The following FOXP1 variants were observed in gnomAD, a reference collection of about 807,000 sequenced individuals.
FOXP1 encodes forkhead box P1.
In FOXP1, 15 loss-of-function variants were observed where a neutral mutation model predicts 98.2. That is an observed-to-expected ratio of 0.15 (90% confidence interval 0.10 to 0.24). The LOEUF is 0.24. Among genes scored for constraint, FOXP1 ranks in the 10% least tolerant of loss-of-function variants. The pLI, the probability that FOXP1 is intolerant of heterozygous loss-of-function variation, is 1.00. For synonymous variants in FOXP1, 371 were observed against 314.5 expected, an observed-to-expected ratio of 1.18 and a Z score of -1.90; for missense variants, 633 against 848.5, an observed-to-expected ratio of 0.75 and a Z score of 3.15.
intron 5 of FOXP1, among the ~76,000 whole-genome samples, chr3:71,287,505 C>T (rs976702722): frequency 2.6e-5 from 4 of 151,534 alleles, no homozygotes; most frequent in South Asian, 2.1e-4. Flanking sequence ...TAGGGCCAAG[C>T]GCTGTGGCTC....
chr3:71,142,639 G>A (rs1311835305), intron 6 of FOXP1, among the ~76,000 whole-genome samples: 1 of 152,212 alleles, frequency 6.6e-6, no homozygotes, highest in African/African-American at 2.4e-5. Flanking sequence ...CCTACAGCCA[G>A]AAGGAAATGG....
At chr3:71,127,694 C>T (rs892520677) in intron 6 of FOXP1, among the ~76,000 whole-genome samples, 2 of 152,220 alleles carry the variant, frequency 1.3e-5, no homozygotes, top group South Asian at 2.1e-4. Context: ...AATACAGACA[C>T]ACCCGGAAAT....
At chr3:71,267,124 AGTGTGTGT>A (rs1553808466) in intron 5 of FOXP1, among the ~76,000 whole-genome samples, 10 of 148,298 alleles carry the variant, frequency 6.7e-5, no homozygotes, top group East Asian at 2.0e-4. Context: ...TATGGGAGAG[AGTGTGTGT>A]GTGTGTGTGT....
chr3:71,244,252 A>G (rs2067526086), intron 5 of FOXP1, among the ~76,000 whole-genome samples: 1 of 152,206 alleles, frequency 6.6e-6, no homozygotes, highest in South Asian at 2.1e-4. Flanking sequence ...TTTAAGTTGC[A>G]TAAAAATAAA....
At chr3:71,002,649 CTA>C (rs1300830369) in intron 12 of FOXP1, among the ~76,000 whole-genome samples, 1 of 152,120 alleles carries the variant, frequency 6.6e-6, no homozygotes. Flanking sequence ...AAGTTTTAGC[CTA>C]TGTTTTGGGG....
chr3:71,040,822 T>G (rs997433622), intron 11 of FOXP1, among the ~76,000 whole-genome samples: 3 of 152,124 alleles, frequency 2.0e-5, no homozygotes, highest in Non-Finnish European at 4.4e-5. Context: ...CCTCCAAACC[T>G]TCACTCAGAA....
chr3:71,354,287 A>C (rs1178786080), intron 4 of FOXP1, among the ~76,000 whole-genome samples: 1 of 152,104 alleles, frequency 6.6e-6, no homozygotes, highest in Non-Finnish European at 1.5e-5. Context: ...CCAGAAAAAA[A>C]AAAAGAGAGA....
At chr3:71,403,834 G>A (rs1468818620) in intron 3 of FOXP1, among the ~76,000 whole-genome samples, 3 of 152,090 alleles carry the variant, frequency 2.0e-5, no homozygotes, top group Non-Finnish European at 4.4e-5. Context: ...CTGTGCAACA[G>A]AGCAAGACAC....
intron 3 of FOXP1, among the ~76,000 whole-genome samples, chr3:71,371,128 A>G (rs904598094): frequency 5.9e-5 from 9 of 152,146 alleles, no homozygotes; most frequent in Non-Finnish European, 1.5e-5. Context: ...GTGAGGCCAG[A>G]AAATTTCAAT....
chr3:71,323,826 C>T (rs1458937222), intron 4 of FOXP1, among the ~76,000 whole-genome samples: 29 of 152,118 alleles, frequency 1.9e-4, no homozygotes, highest in Non-Finnish European at 2.5e-4. Context: ...CCATCTATTC[C>T]ACACTGCACA....
intron 13 of FOXP1, among the ~76,000 whole-genome samples, chr3:70,988,697 A>G (rs1431599952): frequency 6.6e-6 from 1 of 152,264 alleles, no homozygotes; most frequent in Non-Finnish European, 1.5e-5. Context: ...TATTCTATAA[A>G]AAAAGATCTT....
In FOXP1 at chr3:71,198,345, C is replaced by T. The variant is rs1202112901; in HGVS notation, c.37G>A (p.Gly13Ser). 5.2e-6 allele frequency: 8 copies of T among 1,551,642 alleles called. No homozygotes were observed. The highest frequency in any genetic ancestry group is 3.6e-5 in the Admixed American group (2 of 56,124). The change falls in exon 6 of 21, where the codon GGT (glycine) becomes AGT (serine). Residue 13 changes from glycine to serine, a missense_variant. This residue lies in a region of FOXP1 where 103 missense variants were observed against 85.5 expected (regional missense o/e 1.20). Coordinates refer to ENST00000649528, the MANE Select transcript of FOXP1 (RefSeq NM_001349338.3). ...CCCGACCCATTCTGGATGGCTGAACCGTTACTTTTTGTCTCAGTCCCAGAT... is the reference window on the plus strand; with the variant it reads ...CCCGACCCATTCTGGATGGCTGAACTGTTACTTTTTGTCTCAGTCCCAGAT... ...QESGTETKSNGSAIQNGSGGS... is the reference protein window; with the variant it reads ...QESGTETKSNSSAIQNGSGGS...
Position 71,296,379 on chromosome 3 carries a change from C to T in FOXP1, c.-12+3441G>A, listed in dbSNP as rs537201935. The T allele has an allele frequency of 2.0e-5, 3 of 152,306 alleles. No individual in the cohort carries two copies. The South Asian group carries it at 6.2e-4, about 32-fold the overall frequency. The allele number at this position is 152,306 out of a possible 1,614,324, so 9.4% of individuals were successfully genotyped here. On this transcript the variant is annotated intron_variant, in intron 5 of 20. Coordinates refer to ENST00000649528, the MANE Select transcript of FOXP1 (RefSeq NM_001349338.3). ...AAGGCTTATTCATCAGGAAGAAACG[C>T]TAACCACTATATTCACTTGAAACAT...
chr3:70,957,710 C>G lies in FOXP1; in HGVS notation c.*1537G>C. ...TTCTGCATACCATGTTTGGGACCCC[C>G]CCAAAGCCCAGGGCCTACATGATAT... On this transcript the variant is annotated 3_prime_UTR_variant, in exon 21 of 21. Coordinates refer to ENST00000649528, the MANE Select transcript of FOXP1 (RefSeq NM_001349338.3). The G allele has an allele frequency of 4.3e-6, 1 of 233,452 alleles. No individual in the cohort carries two copies. The highest frequency in any genetic ancestry group is 6.0e-5 in the East Asian group (1 of 16,562). 14.5% of individuals were successfully genotyped at this position (233,452 alleles called of 1,614,324 possible).
chr3:71,315,424 C>T (rs2075020143), intron 4 of FOXP1, among the ~76,000 whole-genome samples: 1 of 152,102 alleles, frequency 6.6e-6, no homozygotes, highest in African/African-American at 2.4e-5. Context: ...AAGGATGTCC[C>T]CTGAGAACAG....
intron 5 of FOXP1, among the ~76,000 whole-genome samples, chr3:71,265,904 G>C (rs2069599494): frequency 6.6e-6 from 1 of 152,142 alleles, no homozygotes; most frequent in African/African-American, 2.4e-5. Flanking sequence ...TCACACCTCA[G>C]GAAACAAGGA....
At chr3:71,468,621 G>A (rs967541813) in intron 3 of FOXP1, among the ~76,000 whole-genome samples, 11 of 152,016 alleles carry the variant, frequency 7.2e-5, no homozygotes, top group East Asian at 1.9e-4. Context: ...TCCTTTAACC[G>A]TTCTAAAAAG....
At chr3:71,514,356 C>G (rs566673071) in intron 2 of FOXP1, among the ~76,000 whole-genome samples, 1 of 152,346 alleles carries the variant, frequency 6.6e-6, no homozygotes, top group African/African-American at 2.4e-5. Context: ...CCCACTCTCA[C>G]TCCACAGAAC....
At chr3:70,964,570 A>T (rs1384000028) in intron 20 of FOXP1, among the ~76,000 whole-genome samples, 1 of 152,218 alleles carries the variant, frequency 6.6e-6, no homozygotes, top group Non-Finnish European at 1.5e-5. Context: ...GTATCTAAGT[A>T]AATACTCGTG....
Sources: gnomAD v4.1 joint callset for allele counts (sites outside exome capture counted in the v4.1 genomes callset) on GRCh38, gnomAD v4.1.1 for gene constraint, gnomAD v4.1.1 regional missense constraint, MANE v1.5 for transcripts, NCBI Gene and HGNC (gene_info 2026-07-23, HGNC 2026-07-21) for gene names.